NUBPL: variants seen among roughly 807,000 people sequenced by gnomAD.
NUBPL encodes NUBP iron-sulfur cluster assembly factor, mitochondrial.
NUBPL carries 31 observed loss-of-function variants against 45.7 expected under a neutral mutation model. That is an observed-to-expected ratio of 0.68 (90% CI 0.51 to 0.92). The LOEUF (loss-of-function observed/expected upper bound fraction) is 0.92, where lower values mean the gene tolerates loss of function less well. NUBPL is among the 40% of genes least tolerant of loss of function. The pLI is 0.00. For synonymous variants in NUBPL, 144 were observed against 140.9 expected, an observed-to-expected ratio of 1.02 and a Z score of -0.15; for missense variants, 401 against 398.7, an observed-to-expected ratio of 1.01 and a Z score of -0.05.
chr14:31,746,906 C>CA lies in NUBPL; in HGVS notation c.514-40868dup, dbSNP rs1199611678. The stretch of plus-strand genomic sequence containing the variant: ...GCAATATGGTGAAACACTGTCTCTA[C>CA]AAAAAATATAAAAATTAGCCAGATG... On this transcript the variant is annotated intron_variant, in intron 6 of 10. Transcript: ENST00000281081. 2.6e-5 allele frequency among the ~76,000 whole-genome samples: 4 copies of CA among 151,448 alleles called. 1 individual carries two copies. Among genetic ancestry groups the CA allele is most frequent in the African/African-American group, 9.8e-5 (4 of 41,002 alleles).
At chr14:31,628,077 A>G (rs2035252979) in intron 4 of NUBPL, among the ~76,000 whole-genome samples, 1 of 152,238 alleles carries the variant, frequency 6.6e-6, no homozygotes, top group South Asian at 2.1e-4. Flanking sequence ...TGGCTGAAGC[A>G]TATGAAGAAA....
chr14:31,774,917 A>G (rs1374860570), intron 6 of NUBPL, among the ~76,000 whole-genome samples: 2 of 152,162 alleles, frequency 1.3e-5, no homozygotes, highest in Admixed American at 6.5e-5. Context: ...TCTTGAGGCT[A>G]TGTAGGTGCC....
chr14:31,820,009 G>A (rs202178542), intron 7 of NUBPL, among the ~76,000 whole-genome samples: 22 of 151,832 alleles, frequency 1.4e-4, no homozygotes, highest in Admixed American at 9.8e-4. Context: ...GCATGGTGGC[G>A]GGTGCCTGTA....
At chr14:31,751,781 T>C (rs2038536035) in intron 6 of NUBPL, among the ~76,000 whole-genome samples, 1 of 152,228 alleles carries the variant, frequency 6.6e-6, no homozygotes, top group Admixed American at 6.5e-5. Context: ...ACCCCATATT[T>C]TCCCTCTGCA....
In NUBPL at chr14:31,859,371, A is replaced by G; in HGVS notation, c.*191A>G. The G allele has an allele frequency of 1.7e-6, 1 of 603,410 alleles. No individual in the cohort carries two copies. Among genetic ancestry groups the G allele is most frequent in the South Asian group, 2.0e-5 (1 of 51,134 alleles). 37.4% of individuals were successfully genotyped at this position (603,410 alleles called of 1,614,324 possible). On this transcript the variant is annotated 3_prime_UTR_variant, in exon 11 of 11. Coordinates refer to ENST00000281081, the MANE Select transcript of NUBPL (RefSeq NM_025152.3). ...TTGATGTATCAATGTTAACTGCTAT[A>G]TTTAGGAATTTTTTGAAAGCTGGTG...
rs1212149634 is a variant in NUBPL at position 31,793,660 on chromosome 14, A to G, written c.607+5787A>G. ...TATCTGTGACTGTATTATCTTTCCAACTAGGCTGGAAGCTGCTTGAATGCA... is the reference window on the plus strand; with the variant it reads ...TATCTGTGACTGTATTATCTTTCCAGCTAGGCTGGAAGCTGCTTGAATGCA... On this transcript the variant is annotated intron_variant, in intron 7 of 10. Transcript: ENST00000281081. Among the ~76,000 whole-genome samples, 4 of 152,072 alleles carry G rather than the reference A, an allele frequency of 2.6e-5. No homozygotes were observed. The East Asian group carries it at 5.8e-4, about 22-fold the overall frequency.
At chr14:31,849,143 C>T (rs10152018) in intron 9 of NUBPL, among the ~76,000 whole-genome samples, 44,982 of 152,100 alleles carry the variant, frequency 0.3, 6,833 homozygotes, top group East Asian at 0.47. Context: ...ATAACATTTA[C>T]TTTTCCATGT....
intron 7 of NUBPL, among the ~76,000 whole-genome samples, chr14:31,793,864 A>G (rs1297427690): frequency 8.6e-4 from 82 of 95,758 alleles, no homozygotes; most frequent in Non-Finnish European, 1.1e-3. Flanking sequence ...TTTTTTCCCA[A>G]TGCTATCCCT....
chr14:31,561,427 A>T lies in NUBPL; in HGVS notation c.-13A>T. The T allele has an allele frequency of 7.2e-7, 1 of 1,386,020 alleles. No homozygotes were observed. The highest frequency in any genetic ancestry group is 9.5e-7 in the Non-Finnish European group (1 of 1,057,896). 85.9% of individuals were successfully genotyped at this position (1,386,020 alleles called of 1,614,324 possible). A position where few individuals can be genotyped will look rare whatever the true frequency, so the allele number is the denominator to read the frequency against. On this transcript the variant is annotated 5_prime_UTR_variant, in exon 1 of 11. Transcript: ENST00000281081. Reference sequence around the variant, plus strand: ...ACAGTTTCCCAGCAGGGCTCACAGCAGCGTTCCGCGTCATGGGGATTTGGC... The same window carrying T: ...ACAGTTTCCCAGCAGGGCTCACAGCTGCGTTCCGCGTCATGGGGATTTGGC...
intron 8 of NUBPL, among the ~76,000 whole-genome samples, chr14:31,829,969 G>A (rs1595687763): frequency 6.6e-6 from 1 of 152,016 alleles, no homozygotes; most frequent in African/African-American, 2.4e-5. Flanking sequence ...TAATTTATGT[G>A]TTGTGTCATT....
rs569451360 is a variant in NUBPL at position 31,602,740 on chromosome 14, T to C, written c.382+3361T>C. 3.9e-5 allele frequency among the ~76,000 whole-genome samples: 6 copies of C among 152,286 alleles called. No individual in the cohort carries two copies. The South Asian group carries it at 1.2e-3, about 32-fold the overall frequency. The stretch of plus-strand genomic sequence containing the variant: ...GATCAAAAATGGTAGATCCTCATTA[T>C]TGTCTCTTTATATTAAATGTGTGGA... On this transcript the variant is annotated intron_variant, in intron 4 of 10. Transcript: ENST00000281081.
At chr14:31,567,053 A>G (rs1443520882) in intron 3 of NUBPL, among the ~76,000 whole-genome samples, 1 of 152,224 alleles carries the variant, frequency 6.6e-6, no homozygotes, top group Admixed American at 6.5e-5. Context: ...TTTAATTTCC[A>G]AAAGTGTCTT....
chr14:31,858,799 A>C, intron 10 of NUBPL, among the ~76,000 whole-genome samples: 1 of 152,224 alleles, frequency 6.6e-6, no homozygotes, highest in East Asian at 1.9e-4. Flanking sequence ...TTTTCAGAGC[A>C]AAAAGGTGTA....
chr14:31,655,342 A>C (rs1595444724), intron 4 of NUBPL, among the ~76,000 whole-genome samples: 1 of 152,232 alleles, frequency 6.6e-6, no homozygotes, highest in African/African-American at 2.4e-5. Context: ...GCAGGCATGA[A>C]GACAACATTC....
At chr14:31,636,681 G>A (rs2035512491) in intron 4 of NUBPL, among the ~76,000 whole-genome samples, 1 of 152,168 alleles carries the variant, frequency 6.6e-6, no homozygotes, top group African/African-American at 2.4e-5. Flanking sequence ...GTTCCTTCTT[G>A]TACCTCTGGT....
At chr14:31,620,169 T>C (rs2035021558) in intron 4 of NUBPL, among the ~76,000 whole-genome samples, 1 of 152,018 alleles carries the variant, frequency 6.6e-6, no homozygotes, top group Non-Finnish European at 1.5e-5. Flanking sequence ...TTATTTTAGT[T>C]AGCAATTCAT....
intron 4 of NUBPL, among the ~76,000 whole-genome samples, chr14:31,641,142 G>T (rs113101915): frequency 0.084 from 12,780 of 152,062 alleles, 633 homozygotes; most frequent in African/African-American, 0.14. Flanking sequence ...AGTGGAGACA[G>T]GGTTTCACCA....
At chr14:31,743,419 G>A (rs928763652) in intron 6 of NUBPL, among the ~76,000 whole-genome samples, 5 of 151,902 alleles carry the variant, frequency 3.3e-5, no homozygotes, top group African/African-American at 9.7e-5. Context: ...TTGCTCTGTC[G>A]CCCATGCTGG....
chr14:31,847,894 G>T (rs2040478353), intron 9 of NUBPL, among the ~76,000 whole-genome samples: 1 of 152,122 alleles, frequency 6.6e-6, no homozygotes, highest in Non-Finnish European at 1.5e-5. Flanking sequence ...AACCCAGAAA[G>T]TTCAATTTTC....
Sources: gnomAD v4.1 joint callset for allele counts (sites outside exome capture counted in the v4.1 genomes callset) on GRCh38, gnomAD v4.1.1 for gene constraint, MANE v1.5 for transcripts, NCBI Gene and HGNC (gene_info 2026-07-23, HGNC 2026-07-21) for gene names.